TENM3: variants seen among roughly 807,000 people sequenced by gnomAD.
TENM3 encodes the protein teneurin transmembrane protein 3.
In TENM3, 63 loss-of-function variants were observed where a neutral mutation model predicts 255.1. The observed-to-expected ratio is 0.25, with a 90% CI of 0.20 to 0.30. The LOEUF is 0.30. Ranked by LOEUF, TENM3 falls within the 10% of genes least tolerant of loss-of-function variation. TENM3 has a pLI of 1.00. For missense variants in TENM3, 2,929 were observed against 3,461.1 expected (o/e 0.85, Z 3.86); for synonymous variants, 1,306 against 1,322.3 (o/e 0.99, Z 0.27).
chr4:182,754,603 C>T lies in TENM3; in HGVS notation c.4236C>T (p.Tyr1412=). ...LESATAIAVS[Y]SGVLYITETD... is the part of the protein sequence containing the mutation. ...CAGCCACTGCCATTGCTGTGTCCTA[C>T]AGTGGGGTCCTGTACATTACTGAAA... Residue 1412 remains tyrosine (Y), a synonymous_variant, in exon 22 of 28, where the codon TAC becomes TAT. Transcript: ENST00000511685. The surrounding 1 kb of genome is among the most constrained non-coding windows in gnomAD (Gnocchi z 5.1). 3.1e-6 allele frequency: 5 copies of T among 1,614,008 alleles called. No individual in the cohort carries two copies. Among genetic ancestry groups the T allele is most frequent in the Non-Finnish European group, 4.2e-6 (5 of 1,179,888 alleles).
chr4:182,436,155 A>C (rs1204289626), intron 3 of TENM3, among the ~76,000 whole-genome samples: 1 of 152,208 alleles, frequency 6.6e-6, no homozygotes, highest in African/African-American at 2.4e-5. Flanking sequence ...CTTTAGGCAT[A>C]TCATAATGTC....
chr4:181,619,344 A>G, the TENM3 span, among the ~76,000 whole-genome samples: 1 of 152,196 alleles, frequency 6.6e-6, no homozygotes, highest in African/African-American at 2.4e-5. Context: ...TCTCACATAT[A>G]TAAATAATCC....
intron 3 of TENM3, among the ~76,000 whole-genome samples, chr4:182,381,549 C>G (rs575438772): frequency 2.0e-5 from 3 of 148,556 alleles, no homozygotes; most frequent in South Asian, 2.2e-4. Context: ...CTCCCCTCCC[C>G]TCCCCTCTTC....
intron 3 of TENM3, among the ~76,000 whole-genome samples, chr4:182,487,562 T>G (rs2151558897): frequency 6.6e-6 from 1 of 152,256 alleles, no homozygotes; most frequent in South Asian, 2.1e-4. Flanking sequence ...GATGGGCCAG[T>G]GCAGTTTAGG....
At chr4:181,561,866 T>C in the TENM3 span, among the ~76,000 whole-genome samples, 1 of 151,908 alleles carries the variant, frequency 6.6e-6, no homozygotes, top group South Asian at 2.1e-4. Context: ...GATACATGTT[T>C]TCGGATAACC....
At chr4:181,612,490 A>ATG in the TENM3 span, among the ~76,000 whole-genome samples, 6,490 of 148,378 alleles carry the variant, frequency 0.044, 179 homozygotes, top group African/African-American at 0.072. Context: ...TTTGGTTAAG[A>ATG]TGTGTGTGTG....
chr4:182,595,589 T>A (rs1747128047), intron 3 of TENM3, among the ~76,000 whole-genome samples: 1 of 152,170 alleles, frequency 6.6e-6, no homozygotes, highest in African/African-American at 2.4e-5. Context: ...CATGCAACTG[T>A]TAGGCTTTCA....
intron 3 of TENM3, among the ~76,000 whole-genome samples, chr4:182,449,237 C>CGCTCCGGAGCCGCTGGCTCCGCTT (rs758941265): frequency 1.3e-5 from 2 of 149,490 alleles, no homozygotes; most frequent in Non-Finnish European, 3.0e-5. Context: ...CGGCTCCGCT[C>CGCTCCGGAGCCGCTGGCTCCGCTT]TTCTCCCTTG....
chr4:182,702,091 T>G (rs1410430281), intron 12 of TENM3, among the ~76,000 whole-genome samples: 1 of 152,246 alleles, frequency 6.6e-6, no homozygotes, highest in Non-Finnish European at 1.5e-5. Flanking sequence ...GATTAATTTA[T>G]CTTGCTCAAA....
chr4:182,150,298 G>A (rs1302382936), intron 1 of TENM3, among the ~76,000 whole-genome samples: 1 of 151,926 alleles, frequency 6.6e-6, no homozygotes, highest in Admixed American at 6.6e-5. Context: ...TTTATAATGA[G>A]CGATGGCCCT....
the TENM3 span, among the ~76,000 whole-genome samples, chr4:181,719,385 T>A: frequency 1.2e-4 from 19 of 152,272 alleles, no homozygotes; most frequent in African/African-American, 4.1e-4. Flanking sequence ...TATAACAAAG[T>A]ACCACAAACT....
At chr4:182,773,784 G>GT (rs1402343545) in intron 23 of TENM3, 137 bp downstream of exon 23, 8 of 678,024 alleles carry the variant, frequency 1.2e-5, no homozygotes, top group African/African-American at 3.6e-5. Context: ...ATAATCTACA[G>GT]TGTACATGTA....
Position 182,673,209 on chromosome 4 carries a change from C to A in TENM3, c.1316C>A (p.Ser439Tyr). 6.2e-7 allele frequency: 1 copy of A among 1,608,722 alleles called. No homozygotes were observed. Among genetic ancestry groups the A allele is most frequent in the South Asian group, 1.1e-5 (1 of 90,588 alleles). ...GVYGRKGLPP[S>Y]HTQYDFVELL... ...TATGGCCGGAAAGGCTTACCGCCTTCCCATACTCAGGTAAGACTAGGCTTT... is the reference window on the plus strand; with the variant it reads ...TATGGCCGGAAAGGCTTACCGCCTTACCATACTCAGGTAAGACTAGGCTTT... The change falls in exon 7 of 28, where the codon TCC (serine) becomes TAC (tyrosine). Residue 439 changes from serine to tyrosine, a missense_variant. By Grantham distance (144) the Ser-to-Tyr change is moderately radical. This residue lies in a region of TENM3 where 1,608 missense variants were observed against 1,884.4 expected (regional missense o/e 0.85). Coordinates refer to ENST00000511685, the MANE Select transcript of TENM3 (RefSeq NM_001080477.4).
At chr4:182,745,759 G>A (rs1761962780) in intron 19 of TENM3, among the ~76,000 whole-genome samples, 1 of 151,092 alleles carries the variant, frequency 6.6e-6, no homozygotes. Context: ...TATGCAAAAA[G>A]CAAGACTTAT....
intron 1 of TENM3, among the ~76,000 whole-genome samples, chr4:182,179,509 T>A (rs1752713955): frequency 6.6e-6 from 1 of 152,206 alleles, no homozygotes; most frequent in Non-Finnish European, 1.5e-5. Flanking sequence ...GTTGCATACT[T>A]TATCACAATA....
chr4:181,985,131 A>C, the TENM3 span, among the ~76,000 whole-genome samples: 1 of 152,010 alleles, frequency 6.6e-6, no homozygotes, highest in Non-Finnish European at 1.5e-5. Flanking sequence ...GCATACATAA[A>C]GTATGTATTT....
the TENM3 span, among the ~76,000 whole-genome samples, chr4:181,937,124 T>C: frequency 6.6e-6 from 1 of 152,166 alleles, no homozygotes; most frequent in Admixed American, 6.5e-5. Flanking sequence ...GGGAGCATTC[T>C]AAGCGAAAGC....
the TENM3 span, among the ~76,000 whole-genome samples, chr4:181,929,053 G>T: frequency 1.3e-5 from 2 of 152,026 alleles, no homozygotes; most frequent in African/African-American, 4.8e-5. Context: ...ACGAAAAACC[G>T]GTACCAGCCA....
At chr4:182,404,174 G>A (rs2151044183) in intron 3 of TENM3, among the ~76,000 whole-genome samples, 1 of 152,202 alleles carries the variant, frequency 6.6e-6, no homozygotes, top group East Asian at 1.9e-4. Flanking sequence ...AGTAAAATAA[G>A]AATAACCACA....
Sources: gnomAD v4.1 joint callset for allele counts (sites outside exome capture counted in the v4.1 genomes callset) on GRCh38, gnomAD v4.1.1 for gene constraint, gnomAD v4.1.1 regional missense constraint, Gnocchi (gnomAD v3.1) non-coding constraint, MANE v1.5 for transcripts, NCBI Gene and HGNC (gene_info 2026-07-23, HGNC 2026-07-21) for gene names.